KLHL12: variants seen among roughly 807,000 people sequenced by gnomAD.
KLHL12 encodes kelch like family member 12.
KLHL12 carries 17 observed loss-of-function variants against 60.8 expected under a neutral mutation model. That is an observed-to-expected ratio of 0.28 (90% confidence interval 0.19 to 0.42). KLHL12 has a LOEUF of 0.42. Among genes scored for constraint, KLHL12 ranks in the 10% least tolerant of loss-of-function variants. The probability of loss-of-function intolerance (pLI) is 1.00; values close to 1 mark genes in which losing one functional copy is unlikely to be tolerated. For missense variants in KLHL12, 468 were observed against 722.3 expected (o/e 0.65, Z 4.04); for synonymous variants, 220 against 250.9 (o/e 0.88, Z 1.16).
In KLHL12 at chr1:202,925,048, C is replaced by G; in HGVS notation, c.115G>C (p.Val39Leu). Residue 39 changes from valine (V) to leucine (L), a missense_variant, in exon 2 of 12, where the codon GTA (valine) becomes CTA (leucine). Transcript: ENST00000367261. ...SNTLCDVTLRVEQKDFPAHRI... is the reference protein window; with the variant it reads ...SNTLCDVTLRLEQKDFPAHRI... ...TGGGCAGGGAAGTCTTTCTGCTCTA[C>G]TCTCAATGTCACATCACAGAGGGTA... 2 of 1,614,150 alleles carry G rather than the reference C, an allele frequency of 1.2e-6. No homozygotes were observed. Among genetic ancestry groups the G allele is most frequent in the South Asian group, 2.2e-5 (2 of 91,080 alleles).
intron 6 of KLHL12, among the ~76,000 whole-genome samples, chr1:202,904,711 A>G (rs913959249): frequency 1.3e-5 from 2 of 152,194 alleles, no homozygotes; most frequent in African/African-American, 4.8e-5. Flanking sequence ...TATTTTTAGA[A>G]AGAGGGGAAG....
intron 6 of KLHL12, among the ~76,000 whole-genome samples, chr1:202,907,645 C>A (rs951475924): frequency 6.7e-6 from 1 of 150,162 alleles, no homozygotes; most frequent in Non-Finnish European, 1.5e-5. Flanking sequence ...ATATGGGAGG[C>A]CTGTAATCCC....
chr1:202,920,037 G>T, intron 2 of KLHL12, 129 bp from the exon 3 acceptor site: 1 of 843,448 alleles, frequency 1.2e-6, no homozygotes, highest in Non-Finnish European at 1.8e-6. Context: ...TTACAGGCCA[G>T]GCGTGGTGGC....
rs558107582 is a variant in KLHL12 at position 202,897,420 on chromosome 1, G to C, written c.833-460C>G. ...CAGCTAATTTTGTATTTTTAGTAGA[G>C]ATGGGGTTGGTCAGGCTGGTCCCGA... On this transcript the variant is annotated intron_variant, in intron 6 of 11. Coordinates refer to ENST00000367261, the MANE Select transcript of KLHL12 (RefSeq NM_021633.4). Among the ~76,000 whole-genome samples, 42 of 151,546 alleles carry C rather than the reference G, an allele frequency of 2.8e-4. 1 individual carries two copies. Among genetic ancestry groups the C allele is most frequent in the Admixed American group, 1.3e-4 (2 of 15,200 alleles).
chr1:202,927,222 G>C lies in KLHL12; in HGVS notation c.-179C>G. 1.0e-6 allele frequency: 1 copy of C among 985,264 alleles called. No homozygotes were observed. The highest frequency in any genetic ancestry group is 1.2e-6 in the Non-Finnish European group (1 of 829,896). 61.0% of individuals were successfully genotyped at this position (985,264 alleles called of 1,614,324 possible). A position where few individuals can be genotyped will look rare whatever the true frequency, so the allele number is the denominator to read the frequency against. On this transcript the variant is annotated 5_prime_UTR_variant, in exon 1 of 12. Coordinates refer to ENST00000367261, the MANE Select transcript of KLHL12 (RefSeq NM_021633.4). ...ACCCGGAGGCTCTGGAGGCTCTGGA[G>C]CCGTCCGGGTCTGGCCCCTGCGGCC...
At chr1:202,907,974 A>T (rs1026840674) in intron 6 of KLHL12, among the ~76,000 whole-genome samples, 2 of 152,314 alleles carry the variant, frequency 1.3e-5, no homozygotes, top group African/African-American at 4.8e-5. Context: ...GAGCAGCTTA[A>T]TTATCAACTA....
intron 2 of KLHL12, among the ~76,000 whole-genome samples, chr1:202,922,148 G>A (rs1349335460): frequency 6.6e-6 from 1 of 152,108 alleles, no homozygotes; most frequent in Admixed American, 6.5e-5. Context: ...AGAACTTAGA[G>A]CAATTATACA....
intron 6 of KLHL12, among the ~76,000 whole-genome samples, chr1:202,901,187 T>C (rs567723778): frequency 5.3e-5 from 8 of 152,306 alleles, no homozygotes; most frequent in Admixed American, 4.6e-4. Context: ...TTGGCTGAAA[T>C]TTTCCCAATA....
At chr1:202,917,009 G>A (rs1333551396) in intron 4 of KLHL12, among the ~76,000 whole-genome samples, 1 of 151,770 alleles carries the variant, frequency 6.6e-6, no homozygotes, top group Non-Finnish European at 1.5e-5. Context: ...TGGACCACTG[G>A]AGATCAATAC....
At chr1:202,904,433 A>G (rs575065410) in intron 6 of KLHL12, among the ~76,000 whole-genome samples, 1 of 152,232 alleles carries the variant, frequency 6.6e-6, no homozygotes, top group Non-Finnish European at 1.5e-5. Context: ...TTGTGCCTAG[A>G]AAGTCCTTCT....
chr1:202,901,225 T>C lies in KLHL12; in HGVS notation c.833-4265A>G, dbSNP rs555523941. 2.6e-5 allele frequency among the ~76,000 whole-genome samples: 4 copies of C among 152,236 alleles called. No individual in the cohort carries two copies. The East Asian group carries it at 7.7e-4, about 29-fold the overall frequency. On this transcript the variant is annotated intron_variant, in intron 6 of 11. Coordinates refer to ENST00000367261, the MANE Select transcript of KLHL12 (RefSeq NM_021633.4). Reference sequence around the variant, plus strand: ...CACTCTGGTAACTATATGTCTACAGTGGAACTTCGTAAGAGGTGTTGGTGT... The same window carrying C: ...CACTCTGGTAACTATATGTCTACAGCGGAACTTCGTAAGAGGTGTTGGTGT...
chr1:202,893,607 C>T lies in KLHL12; in HGVS notation c.1394-182G>A, dbSNP rs978419396. ...GTTATTCCATCTATAAACCCTTTGGCTTGGACTTGAAATGATAAAAGATAA... is the reference window on the plus strand; with the variant it reads ...GTTATTCCATCTATAAACCCTTTGGTTTGGACTTGAAATGATAAAAGATAA... On this transcript the variant is annotated intron_variant, in intron 10 of 11. Coordinates refer to ENST00000367261, the MANE Select transcript of KLHL12 (RefSeq NM_021633.4). This position sits in a 1 kb window ranked among gnomAD's most constrained non-coding sequence, Gnocchi z 4.1. Among the ~76,000 whole-genome samples the T allele has an allele frequency of 3.3e-5, 5 of 152,204 alleles. No individual in the cohort carries two copies. Among genetic ancestry groups the T allele is most frequent in the African/African-American group, 1.2e-4 (5 of 41,446 alleles).
rs943556031 is a variant in KLHL12 at position 202,927,215 on chromosome 1, C to G, written c.-172G>C. 4 of 985,156 alleles carry G rather than the reference C, an allele frequency of 4.1e-6. No homozygotes were observed. The highest frequency in any genetic ancestry group is 1.7e-5 in the African/African-American group (1 of 57,198). The allele number at this position is 985,156 out of a possible 1,614,324, so 61.0% of individuals were successfully genotyped here. A position where few individuals can be genotyped will look rare whatever the true frequency, so the allele number is the denominator to read the frequency against. On this transcript the variant is annotated 5_prime_UTR_variant, in exon 1 of 12. Coordinates refer to ENST00000367261, the MANE Select transcript of KLHL12 (RefSeq NM_021633.4). The stretch of plus-strand genomic sequence containing the variant: ...CGCCCAGACCCGGAGGCTCTGGAGG[C>G]TCTGGAGCCGTCCGGGTCTGGCCCC...
intron 6 of KLHL12, 142 bp from the exon 7 acceptor site, chr1:202,897,102 A>G: frequency 7.1e-6 from 5 of 703,154 alleles, no homozygotes; most frequent in South Asian, 1.6e-5. Flanking sequence ...GGAGATAATC[A>G]TAAGGCTGTC....
Position 202,892,437 on chromosome 1 carries a change from C to G in KLHL12, c.*96G>C, listed in dbSNP as rs4950869. ...CTGGTGCCTGTAATCACCCGGTGCA[C>G]ATAGTGAGAAACAGACATTCTGGAA... On this transcript the variant is annotated 3_prime_UTR_variant, in exon 12 of 12. Coordinates refer to ENST00000367261, the MANE Select transcript of KLHL12 (RefSeq NM_021633.4). 0.027 allele frequency: 38,085 copies of G among 1,388,874 alleles called. 1,554 individuals are homozygous for G. Among genetic ancestry groups the G allele is most frequent in the Admixed American group, 0.13 (7,186 of 56,130 alleles). 86.0% of individuals were successfully genotyped at this position (1,388,874 alleles called of 1,614,324 possible).
chr1:202,910,838 C>A (rs1571530895), intron 5 of KLHL12, among the ~76,000 whole-genome samples: 1 of 152,224 alleles, frequency 6.6e-6, no homozygotes, highest in East Asian at 1.9e-4. Flanking sequence ...CAAAATTGAA[C>A]CACAGATTTT....
chr1:202,918,448 T>C, intron 3 of KLHL12, 60 bp from the exon 4 acceptor site: 4 of 1,273,966 alleles, frequency 3.1e-6, no homozygotes, highest in Non-Finnish European at 4.6e-6. Context: ...ATCTAGGATA[T>C]ATTCTTGTAT....
In KLHL12 at chr1:202,893,090, A is replaced by G. The variant is rs879751933; in HGVS notation, c.1580+149T>C. On this transcript the variant is annotated intron_variant, in intron 11 of 11. Transcript: ENST00000367261. This position sits in a 1 kb window ranked among gnomAD's most constrained non-coding sequence, Gnocchi z 4.1. ...ACAGAGCAATACTCTGTCTCTAAAA[A>G]ATAAAAAAAATCTAATAAAAAAAAT... 24 of 611,052 alleles carry G rather than the reference A, an allele frequency of 3.9e-5. No homozygotes were observed. Among genetic ancestry groups the G allele is most frequent in the Admixed American group, 1.1e-4 (3 of 27,820 alleles). The allele number at this position is 611,052 out of a possible 1,614,324, so 37.9% of individuals were successfully genotyped here.
In KLHL12 at chr1:202,895,486, T is replaced by TA. The variant is rs1267536154; in HGVS notation, c.1135+35dup. 1 of 1,584,580 alleles carries TA rather than the reference T, an allele frequency of 6.3e-7. No individual in the cohort carries two copies. Among genetic ancestry groups the TA allele is most frequent in the African/African-American group, 1.3e-5 (1 of 74,254 alleles). Reference sequence around the variant, plus strand: ...GTTAAAAACCCTGGTCCAGCCACAGTAAGATGGAAATAATTGCCCTGCACA... The same window carrying TA: ...GTTAAAAACCCTGGTCCAGCCACAGTAAAGATGGAAATAATTGCCCTGCACA... On this transcript the variant is annotated intron_variant, in intron 8 of 11. Coordinates refer to ENST00000367261, the MANE Select transcript of KLHL12 (RefSeq NM_021633.4). This position sits in a 1 kb window ranked among gnomAD's most constrained non-coding sequence, Gnocchi z 4.2.
Sources: allele counts gnomAD v4.1 joint callset (sites outside exome capture counted in the v4.1 genomes callset), GRCh38; gene constraint gnomAD v4.1.1; non-coding constraint Gnocchi (gnomAD v3.1); transcripts MANE v1.5; gene names NCBI Gene and HGNC (gene_info 2026-07-23, HGNC 2026-07-21).